The following TCF20 variants were observed in gnomAD, a reference collection of about 807,000 sequenced individuals.
TCF20 encodes SPRE-binding protein.
Under a neutral mutation model 148.6 loss-of-function variants are expected in TCF20, and 3 were observed. That is an observed-to-expected ratio of 0.02 (90% CI 0.01 to 0.05). The LOEUF (loss-of-function observed/expected upper bound fraction) is 0.05. TCF20 is among the 10% of genes least tolerant of loss of function. The pLI, the probability that TCF20 is intolerant of heterozygous loss-of-function variation, is 1.00. For missense variants in TCF20, 2,350 were observed against 2,429.3 expected, an observed-to-expected ratio of 0.97 and a Z score of 0.69; for synonymous variants, 1,049 against 909.5, an observed-to-expected ratio of 1.15 and a Z score of -2.76.
At position 42,211,316 on chromosome 22, in the gene TCF20, A is replaced by G. The variant is rs1490670903; in HGVS notation, c.3990T>C (p.Ala1330=). The G allele has an allele frequency of 6.2e-7, 1 of 1,614,196 alleles. No individual in the cohort carries two copies. Among genetic ancestry groups the G allele is most frequent in the Non-Finnish European group, 8.5e-7 (1 of 1,180,042 alleles). Residue 1330 remains alanine (A), a synonymous_variant, in exon 2 of 6, where the codon GCT becomes GCC. Coordinates refer to ENST00000677622, the MANE Select transcript of TCF20 (RefSeq NM_001378418.1). The part of the protein sequence containing the change: ...LPSPDSRNCP[A]VTLTSPAKTK... ...TCTTAGCAGGGCTTGTGAGGGTAAC[A>G]GCAGGGCAGTTTCTACTATCTGGAC...
At chr22:42,328,707 C>A (rs548789976) in intron 1 of TCF20, among the ~76,000 whole-genome samples, 4 of 152,344 alleles carry the variant, frequency 2.6e-5, no homozygotes, top group Non-Finnish European at 5.9e-5. Context: ...ATGTGAAATG[C>A]TTAATCTAGG....
chr22:42,253,212 C>A (rs1361481370), intron 1 of TCF20, among the ~76,000 whole-genome samples: 1 of 152,160 alleles, frequency 6.6e-6, no homozygotes, highest in East Asian at 1.9e-4. Flanking sequence ...TAGAAACCTA[C>A]ACCATCTACT....
chr22:42,325,516 GGTGGCAA>G lies in TCF20; in HGVS notation c.-37+17956_-37+17962del, dbSNP rs551377047. 5.1e-4 allele frequency among the ~76,000 whole-genome samples: 78 copies of G among 152,328 alleles called. 1 individual carries two copies. The Middle Eastern group carries it at 0.01, about 20-fold the overall frequency. ...CAGCCCAAGCAGTACTCATGCACAC[GGTGGCAA>G]GTCACACCAGCTCGGGGGGAGGGGA... On this transcript the variant is annotated intron_variant, in intron 1 of 1. Coordinates refer to the TCF20 transcript ENST00000515426.
intron 1 of TCF20, among the ~76,000 whole-genome samples, chr22:42,323,981 A>T (rs1214121895): frequency 1.3e-4 from 7 of 52,954 alleles, no homozygotes; most frequent in African/African-American, 4.7e-4. Flanking sequence ...GTGGTGGTGG[A>T]GGTTATGGTG....
At chr22:42,306,414 G>A (rs1927435107) in intron 1 of TCF20, among the ~76,000 whole-genome samples, 1 of 152,200 alleles carries the variant, frequency 6.6e-6, no homozygotes, top group Non-Finnish European at 1.5e-5. Flanking sequence ...TGCTGCTAGG[G>A]GACCCCCAGG....
At chr22:42,288,261 G>A (rs904613798), upstream of TCF20, among the ~76,000 whole-genome samples, 1 of 152,146 alleles carries the variant, frequency 6.6e-6, no homozygotes, top group Non-Finnish European at 1.5e-5. Flanking sequence ...GGCATGGCCA[G>A]GCGCGGTGGC....
In TCF20 at chr22:42,290,257, C is replaced by T. The variant is rs573803201; in HGVS notation, c.-37+53222G>A. ...CCCAGTCCTGACCCCCAGTACCCTG[C>T]CCTAGGATGTGCAGGAGGCTCGGGG... On this transcript the variant is annotated intron_variant, in intron 1 of 1. Coordinates refer to the TCF20 transcript ENST00000515426. The surrounding 1 kb of genome is among the most constrained non-coding windows in gnomAD (Gnocchi z 4.2). Among the ~76,000 whole-genome samples the T allele has an allele frequency of 6.6e-6, 1 of 152,258 alleles. No homozygotes were observed. The highest frequency in any genetic ancestry group is 1.5e-5 in the Non-Finnish European group (1 of 68,000).
intron 2 of TCF20, among the ~76,000 whole-genome samples, chr22:42,193,740 G>C (rs76140854): frequency 1.3e-5 from 2 of 152,094 alleles, no homozygotes; most frequent in African/African-American, 4.8e-5. Flanking sequence ...TAGGGGCTAA[G>C]TGATGTTATA....
In TCF20 at chr22:42,299,335, C is replaced by G. The variant is rs535277285; in HGVS notation, c.-37+44144G>C. 1.3e-5 allele frequency among the ~76,000 whole-genome samples: 2 copies of G among 152,066 alleles called. No homozygotes were observed. Among genetic ancestry groups the G allele is most frequent in the Non-Finnish European group, 2.9e-5 (2 of 67,992 alleles). ...TCCCAGCCCCTCTCCCCACATCCAG[C>G]CCCCTGCTCTGGCACTCTCTCCATC... On this transcript the variant is annotated intron_variant, in intron 1 of 1. Transcript: ENST00000515426. The surrounding 1 kb of genome is among the most constrained non-coding windows in gnomAD (Gnocchi z 4.1).
At chr22:42,267,301 G>C (rs1335687072) in intron 1 of TCF20, among the ~76,000 whole-genome samples, 3 of 152,130 alleles carry the variant, frequency 2.0e-5, no homozygotes, top group Admixed American at 1.3e-4. Context: ...ACCAATTTGA[G>C]TAATCGGAGT....
At chr22:42,225,509 G>T (rs2147260429) in intron 1 of TCF20, among the ~76,000 whole-genome samples, 1 of 150,914 alleles carries the variant, frequency 6.6e-6, no homozygotes, top group East Asian at 2.0e-4. Flanking sequence ...AGCTACTCGG[G>T]AGGCTGAGGC....
chr22:42,340,646 C>T (rs763850791), intron 1 of TCF20, among the ~76,000 whole-genome samples: 2 of 152,172 alleles, frequency 1.3e-5, no homozygotes, highest in Non-Finnish European at 2.9e-5. Context: ...TCCACCCCAC[C>T]CTGAGAGCAC....
intron 1 of TCF20, among the ~76,000 whole-genome samples, chr22:42,304,629 C>G (rs1403992070): frequency 2.6e-5 from 4 of 152,182 alleles, no homozygotes; most frequent in Non-Finnish European, 5.9e-5. Context: ...TGATGAACAT[C>G]TAACTCTCAC....
intron 5 of TCF20, among the ~76,000 whole-genome samples, chr22:42,165,644 G>C (rs1212410855): frequency 6.6e-6 from 1 of 152,206 alleles, no homozygotes; most frequent in African/African-American, 2.4e-5. Flanking sequence ...CAAGCCTTGG[G>C]TATTTTTTGC....
intron 1 of TCF20, among the ~76,000 whole-genome samples, chr22:42,260,006 G>T (rs541613194): frequency 6.6e-6 from 1 of 152,274 alleles, no homozygotes; most frequent in South Asian, 2.1e-4. Flanking sequence ...TTCAGACTAT[G>T]ATAAAAGCTA....
rs922553187 is a variant in TCF20 at position 42,316,627 on chromosome 22, G to A, written c.-37+26852C>T. 7.4e-5 allele frequency among the ~76,000 whole-genome samples: 11 copies of A among 148,624 alleles called. No homozygotes were observed. In the South Asian group the frequency reaches 1.8e-3, roughly 24 times the overall value. ...TGATTTTTGTATTTTTAGTAGAGAC[G>A]GGGTTTCACCATGTTGGCCAGGCTG... On this transcript the variant is annotated intron_variant, in intron 1 of 1. Transcript: ENST00000515426.
intron 1 of TCF20, among the ~76,000 whole-genome samples, chr22:42,328,985 G>A (rs1927922637): frequency 6.6e-6 from 1 of 152,230 alleles, no homozygotes; most frequent in Non-Finnish European, 1.5e-5. Flanking sequence ...CAGGCCGGCT[G>A]GAGCCTGCTC....
At chr22:42,243,329 A>G (rs1038030770) in intron 1 of TCF20, among the ~76,000 whole-genome samples, 5 of 143,994 alleles carry the variant, frequency 3.5e-5, no homozygotes, top group African/African-American at 1.3e-4. Flanking sequence ...AAAGTCAGGC[A>G]TGATGGCTCA....
At chr22:42,256,149 C>G (rs1925730855) in intron 1 of TCF20, among the ~76,000 whole-genome samples, 1 of 152,208 alleles carries the variant, frequency 6.6e-6, no homozygotes, top group South Asian at 2.1e-4. Context: ...CAGGAGGGAG[C>G]AGCCTCTTGC....
Sources: gnomAD v4.1 joint callset for allele counts (sites outside exome capture counted in the v4.1 genomes callset) on GRCh38, gnomAD v4.1.1 for gene constraint, Gnocchi (gnomAD v3.1) non-coding constraint, MANE v1.5 for transcripts, NCBI Gene and HGNC (gene_info 2026-07-23, HGNC 2026-07-21) for gene names.